Variants in MAPKAP1 observed in about 807,000 individuals in gnomAD.
MAPKAP1 encodes target of rapamycin complex 2 subunit MAPKAP1.
In MAPKAP1, 20 loss-of-function variants were observed where a neutral mutation model predicts 65.7. The ratio of observed to expected loss-of-function variants is 0.30; its 90% CI spans 0.21 to 0.44. The LOEUF (loss-of-function observed/expected upper bound fraction) is 0.44. Ranked by LOEUF, MAPKAP1 falls within the 20% of genes least tolerant of loss-of-function variation. The pLI is 1.00. For synonymous variants in MAPKAP1, 222 were observed against 244.3 expected (o/e 0.91, Z 0.85); for missense variants, 423 against 648.0 (o/e 0.65, Z 3.77).
chr9:125,478,790 A>G (rs890550104), intron 9 of MAPKAP1, among the ~76,000 whole-genome samples: 3 of 152,222 alleles, frequency 2.0e-5, no homozygotes, highest in Admixed American at 6.5e-5. Flanking sequence ...GGTACCTCTC[A>G]ACACAGTGGT....
chr9:125,543,280 T>G, intron 6 of MAPKAP1, 112 bp from the exon 7 acceptor site: 1 of 791,402 alleles, frequency 1.3e-6, no homozygotes, highest in South Asian at 1.6e-5. Context: ...TTTTGTTTTG[T>G]TTTTGAAATG....
At chr9:125,476,191 C>A (rs1854101460) in intron 9 of MAPKAP1, among the ~76,000 whole-genome samples, 1 of 152,196 alleles carries the variant, frequency 6.6e-6, no homozygotes. Context: ...CCAATCACTG[C>A]ATTTAGTGCA....
intron 9 of MAPKAP1, among the ~76,000 whole-genome samples, chr9:125,472,803 T>G (rs1299402576): frequency 6.6e-6 from 1 of 152,214 alleles, no homozygotes; most frequent in Non-Finnish European, 1.5e-5. Flanking sequence ...AAAAAAGATG[T>G]CAAAAGGACG....
In MAPKAP1 at chr9:125,625,405, GAAAAACA is replaced by G. The variant is rs1157606520; in HGVS notation, c.498+32239_498+32245del. Among the ~76,000 whole-genome samples, 17 of 151,736 alleles carry G rather than the reference GAAAAACA, an allele frequency of 1.1e-4. 1 individual carries two copies. The South Asian group carries it at 2.9e-3, about 26-fold the overall frequency. On this transcript the variant is annotated intron_variant, in intron 4 of 11. Coordinates refer to ENST00000265960, the MANE Select transcript of MAPKAP1 (RefSeq NM_001006617.3). ...CCATGAAACTACACAATTATTGAGG[GAAAAACA>G]AAAAACAAAAAAACAAAACAAAACA...
chr9:125,660,511 C>G (rs1042295327), intron 3 of MAPKAP1, among the ~76,000 whole-genome samples: 2 of 152,156 alleles, frequency 1.3e-5, no homozygotes, highest in Non-Finnish European at 2.9e-5. Flanking sequence ...TTATTTCTAA[C>G]CCTAAACACT....
At chr9:125,636,675 A>G (rs1308354027) in intron 4 of MAPKAP1, among the ~76,000 whole-genome samples, 2 of 152,186 alleles carry the variant, frequency 1.3e-5, no homozygotes, top group Non-Finnish European at 2.9e-5. Context: ...ATCAACAAAC[A>G]TGCCTTGGTC....
At chr9:125,680,429 C>A (rs1030765907) in intron 1 of MAPKAP1, among the ~76,000 whole-genome samples, 2 of 152,080 alleles carry the variant, frequency 1.3e-5, no homozygotes, top group African/African-American at 4.8e-5. Context: ...GCTTTTAAAT[C>A]TCTTTCTCTA....
intron 1 of MAPKAP1, among the ~76,000 whole-genome samples, chr9:125,706,028 G>T: frequency 6.6e-6 from 1 of 152,154 alleles, no homozygotes; most frequent in South Asian, 2.1e-4. Context: ...GCACACAGAT[G>T]AATGGGAAAG....
intron 4 of MAPKAP1, among the ~76,000 whole-genome samples, chr9:125,603,474 G>A (rs1003020463): frequency 3.3e-5 from 5 of 152,134 alleles, no homozygotes; most frequent in Non-Finnish European, 7.3e-5. Context: ...GGAGACAAAG[G>A]TCCATCTCAG....
At chr9:125,631,069 C>G (rs1298756471) in intron 4 of MAPKAP1, among the ~76,000 whole-genome samples, 1 of 151,702 alleles carries the variant, frequency 6.6e-6, no homozygotes, top group Non-Finnish European at 1.5e-5. Context: ...TGCACTCCAG[C>G]CTAGGTGATA....
At chr9:125,577,917 C>T (rs1021387591) in intron 5 of MAPKAP1, among the ~76,000 whole-genome samples, 1 of 151,708 alleles carries the variant, frequency 6.6e-6, no homozygotes, top group Admixed American at 6.6e-5. Context: ...GGCCACCACC[C>T]CGTCTGGGAG....
chr9:125,523,551 G>T (rs1373345942), intron 7 of MAPKAP1, among the ~76,000 whole-genome samples: 1 of 152,196 alleles, frequency 6.6e-6, no homozygotes, highest in African/African-American at 2.4e-5. Context: ...GTGGATGATA[G>T]TATCTCAGTC....
Position 125,603,382 on chromosome 9 carries a change from A to ACC in MAPKAP1, c.499-17656_499-17655insGG, listed in dbSNP as rs1175743788. ...CTAATAATGACAAAAGAGGAAAATA[A>ACC]CAATGTGGTCCTTGGAGAGATGGGC... On this transcript the variant is annotated intron_variant, in intron 4 of 11. Transcript: ENST00000265960. Among the ~76,000 whole-genome samples, 74 of 134,360 alleles carry ACC rather than the reference A, an allele frequency of 5.5e-4. No individual in the cohort carries two copies. The South Asian group carries it at 0.019, about 35-fold the overall frequency. The allele number at this position is 134,360 out of a possible 152,430, so 88.1% of individuals were successfully genotyped here.
intron 10 of MAPKAP1, among the ~76,000 whole-genome samples, chr9:125,464,204 TAAAAAAAAAAAAAA>T (rs57497941): frequency 3.6e-5 from 3 of 83,332 alleles, no homozygotes; most frequent in African/African-American, 4.2e-5. Context: ...TCTCATATAT[TAAAAAAAAAAAAAA>T]AAAAAAAAAA....
At chr9:125,548,212 A>C (rs751794238) in intron 6 of MAPKAP1, among the ~76,000 whole-genome samples, 6 of 152,230 alleles carry the variant, frequency 3.9e-5, no homozygotes, top group Non-Finnish European at 8.8e-5. Context: ...GAAATCAACA[A>C]TGTGGTCCCT....
chr9:125,475,134 GGC>G (rs1854055900), intron 9 of MAPKAP1, among the ~76,000 whole-genome samples: 1 of 152,106 alleles, frequency 6.6e-6, no homozygotes, highest in Non-Finnish European at 1.5e-5. Flanking sequence ...AAAAAATTGA[GGC>G]TCAGGGCTGG....
chr9:125,642,208 A>G (rs894592851), intron 4 of MAPKAP1, among the ~76,000 whole-genome samples: 1 of 152,158 alleles, frequency 6.6e-6, no homozygotes, highest in African/African-American at 2.4e-5. Flanking sequence ...GTCTCAAGAA[A>G]AAAAAAAGGA....
chr9:125,527,119 C>G (rs900559678), intron 7 of MAPKAP1, among the ~76,000 whole-genome samples: 10 of 151,202 alleles, frequency 6.6e-5, no homozygotes, highest in Non-Finnish European at 1.3e-4. Context: ...GGCTGGAGTA[C>G]AGTGGCGCGA....
At position 125,447,250 on chromosome 9, in the gene MAPKAP1, G is replaced by A; in HGVS notation, c.1346-2652C>T. 1 of 382,824 alleles carries A rather than the reference G, an allele frequency of 2.6e-6. No individual in the cohort carries two copies. Among genetic ancestry groups the A allele is most frequent in the Non-Finnish European group, 5.4e-6 (1 of 186,486 alleles). 23.7% of individuals were successfully genotyped at this position (382,824 alleles called of 1,614,324 possible). A position where few individuals can be genotyped will look rare whatever the true frequency, so the allele number is the denominator to read the frequency against. On this transcript the variant is annotated intron_variant, in intron 10 of 11. Transcript: ENST00000265960. This position sits in a 1 kb window ranked among gnomAD's most constrained non-coding sequence, Gnocchi z 4.5. Reference sequence around the variant, plus strand: ...GAGGAAGAGTGAAGCAGGTGAGGAGGAGGAAGAGTCCCAACATTCCCCCAC... The same window carrying A: ...GAGGAAGAGTGAAGCAGGTGAGGAGAAGGAAGAGTCCCAACATTCCCCCAC...
Sources: allele counts gnomAD v4.1 joint callset (sites outside exome capture counted in the v4.1 genomes callset), GRCh38; gene constraint gnomAD v4.1.1; non-coding constraint Gnocchi (gnomAD v3.1); transcripts MANE v1.5; gene names NCBI Gene and HGNC (gene_info 2026-07-23, HGNC 2026-07-21).